The following RBBP8 variants were observed in gnomAD, a reference collection of about 807,000 sequenced individuals.
RBBP8 encodes the protein DNA endonuclease RBBP8.
In RBBP8, 88 loss-of-function variants were observed where a neutral mutation model predicts 108.3. That is an observed-to-expected ratio of 0.81 (90% CI 0.68 to 0.97). The LOEUF (loss-of-function observed/expected upper bound fraction) is 0.97. Ranked by LOEUF, RBBP8 falls within the 50% of genes least tolerant of loss-of-function variation. The probability of loss-of-function intolerance (pLI) is 0.00; values close to 1 mark genes in which losing one functional copy is unlikely to be tolerated. For missense variants in RBBP8, 1,023 were observed against 1,049.0 expected, an observed-to-expected ratio of 0.98 and a Z score of 0.34; for synonymous variants, 332 against 348.2, an observed-to-expected ratio of 0.95 and a Z score of 0.52.
Position 22,993,812 on chromosome 18 carries a change from G to T in RBBP8, c.1904G>T (p.Arg635Ile), listed in dbSNP as rs1275860798. The T allele has an allele frequency of 1.2e-6, 2 of 1,613,686 alleles. No individual in the cohort carries two copies. Among genetic ancestry groups the T allele is most frequent in the East Asian group, 2.2e-5 (1 of 44,838 alleles). ...TCAGTTCTTCAGTTAAATCCATGTAGAACTGGTAAAATAAAGTCTCTACAA... is the reference window on the plus strand; with the variant it reads ...TCAGTTCTTCAGTTAAATCCATGTATAACTGGTAAAATAAAGTCTCTACAA... ...LASVLQLNPC[R>I]TGKIKSLQNN... Residue 635 changes from arginine (R) to isoleucine (I), a missense_variant, in exon 12 of 19, where the codon AGA (arginine) becomes ATA (isoleucine). Coordinates refer to ENST00000327155, the MANE Select transcript of RBBP8 (RefSeq NM_002894.3).
intron 3 of RBBP8, among the ~76,000 whole-genome samples, chr18:22,926,883 C>T (rs868731376): frequency 6.6e-6 from 1 of 152,168 alleles, no homozygotes; most frequent in African/African-American, 2.4e-5. Flanking sequence ...ACATCTTCCA[C>T]CAATGTTAAA....
At chr18:22,942,811 A>G (rs1030289735) in intron 2 of RBBP8, among the ~76,000 whole-genome samples, 1 of 152,088 alleles carries the variant, frequency 6.6e-6, no homozygotes, top group African/African-American at 2.4e-5. Context: ...AGCACAAATA[A>G]TAAAATAGAA....
intron 2 of RBBP8, among the ~76,000 whole-genome samples, chr18:22,941,721 C>T (rs1389436881): frequency 6.6e-6 from 1 of 151,904 alleles, no homozygotes; most frequent in Non-Finnish European, 1.5e-5. Context: ...AATCACATTC[C>T]CACAAAAGTT....
At chr18:22,991,568 T>G (rs149103279) in intron 10 of RBBP8, among the ~76,000 whole-genome samples, 6 of 152,340 alleles carry the variant, frequency 3.9e-5, no homozygotes, top group African/African-American at 1.4e-4. Context: ...TTATTGCATA[T>G]AACCTGTGCA....
At position 23,016,857 on chromosome 18, in the gene RBBP8, T is replaced by C. The variant is rs755772566; in HGVS notation, c.2387T>C (p.Ile796Thr). ...ACTAGCTTGCAAAATTTTCCTCATA[T>C]TGAGGTGGTTCGGAAAAAAGAGGAG... ...RETSLQNFPH[I>T]EVVRKKEERR... The change falls in exon 17 of 19, where the codon ATT becomes ACT. Residue 796 changes from isoleucine (I) to threonine (T), a missense_variant. Coordinates refer to ENST00000327155, the MANE Select transcript of RBBP8 (RefSeq NM_002894.3). 3 of 1,613,890 alleles carry C rather than the reference T, an allele frequency of 1.9e-6. No homozygotes were observed. The highest frequency in any genetic ancestry group is 2.5e-6 in the Non-Finnish European group (3 of 1,179,886).
At chr18:22,980,016 C>CAG (rs1555640514) in intron 6 of RBBP8, among the ~76,000 whole-genome samples, 3 of 151,912 alleles carry the variant, frequency 2.0e-5, no homozygotes, top group Non-Finnish European at 4.4e-5. Flanking sequence ...GAGGCCGAGA[C>CAG]GGGTGGATCA....
chr18:22,957,291 C>CTTTTTTTTTTTTTTTTTTTTTTTTT (rs11418623), intron 4 of RBBP8, among the ~76,000 whole-genome samples: 1 of 92,842 alleles, frequency 1.1e-5, no homozygotes. Flanking sequence ...ATTACTTTTT[C>CTTTTTTTTTTTTTTTTTTTTTTTTT]TTTTTTTTTT....
intron 2 of RBBP8, among the ~76,000 whole-genome samples, chr18:22,946,031 T>A (rs1382391687): frequency 6.6e-6 from 1 of 152,228 alleles, no homozygotes; most frequent in Non-Finnish European, 1.5e-5. Flanking sequence ...TTAGGTACTT[T>A]TCCATAAGGA....
chr18:22,924,849 C>T (rs1033346247), intron 3 of RBBP8, among the ~76,000 whole-genome samples: 1 of 152,036 alleles, frequency 6.6e-6, no homozygotes, highest in Admixed American at 6.5e-5. Context: ...GGCATATGAT[C>T]ACCTCACATA....
chr18:22,963,048 C>T (rs1484889877), intron 4 of RBBP8, among the ~76,000 whole-genome samples: 2 of 152,074 alleles, frequency 1.3e-5, no homozygotes, highest in Non-Finnish European at 1.5e-5. Context: ...GCCAAAAGAA[C>T]AGACATTTAT....
At chr18:22,976,951 C>G (rs1156366259) in intron 6 of RBBP8, among the ~76,000 whole-genome samples, 1 of 152,074 alleles carries the variant, frequency 6.6e-6, no homozygotes, top group East Asian at 1.9e-4. Context: ...CAAGCACATG[C>G]ATTTTTCCTG....
chr18:23,017,596 G>A lies in RBBP8; in HGVS notation c.2454+672G>A, dbSNP rs565238373. Among the ~76,000 whole-genome samples the A allele has an allele frequency of 9.3e-5, 14 of 151,300 alleles. No homozygotes were observed. In the East Asian group the frequency reaches 2.8e-3, roughly 30 times the overall value. ...GTGAACCCGGGAGGCAGAGCTTGTA[G>A]TGAGCCGAGATTGCACCACTGCACT... is the stretch of plus-strand genomic sequence containing the variant. On this transcript the variant is annotated intron_variant, in intron 17 of 18. Coordinates refer to ENST00000327155, the MANE Select transcript of RBBP8 (RefSeq NM_002894.3).
At chr18:22,929,970 G>A (rs1179496776), upstream of RBBP8, among the ~76,000 whole-genome samples, 5 of 152,186 alleles carry the variant, frequency 3.3e-5, no homozygotes, top group Admixed American at 6.5e-5. Flanking sequence ...TCAGTCTAAC[G>A]TGATACGTCA....
At position 22,957,915 on chromosome 18, in the gene RBBP8, T is replaced by C. The variant is rs550322321; in HGVS notation, c.248+8202T>C. 5.4e-4 allele frequency among the ~76,000 whole-genome samples: 82 copies of C among 152,332 alleles called. No individual in the cohort carries two copies. In the Middle Eastern group the frequency reaches 0.017, roughly 32 times the overall value. On this transcript the variant is annotated intron_variant, in intron 4 of 18. Coordinates refer to ENST00000327155, the MANE Select transcript of RBBP8 (RefSeq NM_002894.3). ...AGTGATATTTTAAAAATCCCTCTCC[T>C]GTATTTGAAAAGTTATTGTTTTAGC...
intron 4 of RBBP8, among the ~76,000 whole-genome samples, chr18:22,962,300 T>C (rs764909432): frequency 6.6e-5 from 10 of 152,330 alleles, no homozygotes; most frequent in Admixed American, 2.0e-4. Context: ...CCTTGACATT[T>C]CTTTAATAGT....
At position 22,982,210 on chromosome 18, in the gene RBBP8, T is replaced by G. The variant is rs758647514; in HGVS notation, c.429-8T>G. 1 of 1,611,706 alleles carries G rather than the reference T, an allele frequency of 6.2e-7. No homozygotes were observed. Among genetic ancestry groups the G allele is most frequent in the South Asian group, 1.1e-5 (1 of 91,038 alleles). On this transcript the variant is annotated splice_polypyrimidine_tract_variant and splice_region_variant and intron_variant, in intron 6 of 18. Coordinates refer to ENST00000327155, the MANE Select transcript of RBBP8 (RefSeq NM_002894.3). The stretch of plus-strand genomic sequence containing the variant: ...ATTGATTTTCTTTCCATTGTCATTC[T>G]TCTCTAGGAATGATCAACAGCATCA...
chr18:22,974,717 C>G (rs2144620935), intron 5 of RBBP8, among the ~76,000 whole-genome samples: 1 of 152,340 alleles, frequency 6.6e-6, no homozygotes, highest in South Asian at 2.1e-4. Flanking sequence ...ACCTCCGCCT[C>G]TGAGTGCTGG....
intron 17 of RBBP8, among the ~76,000 whole-genome samples, chr18:23,018,298 C>T (rs1466737725): frequency 6.6e-6 from 1 of 152,264 alleles, no homozygotes; most frequent in Non-Finnish European, 1.5e-5. Flanking sequence ...CTCAGGTGAT[C>T]TGCCCACCTT....
chr18:22,994,646 CAAAAAAA>C (rs201468478), intron 12 of RBBP8, among the ~76,000 whole-genome samples: 4 of 109,188 alleles, frequency 3.7e-5, no homozygotes, highest in Non-Finnish European at 7.7e-5. Context: ...GACTCCGTCT[CAAAAAAA>C]AAAAAGAAAA....
Sources: allele counts gnomAD v4.1 joint callset (sites outside exome capture counted in the v4.1 genomes callset), GRCh38; gene constraint gnomAD v4.1.1; transcripts MANE v1.5; gene names NCBI Gene and HGNC (gene_info 2026-07-23, HGNC 2026-07-21).